Variants in MACROD2 observed in about 807,000 individuals in gnomAD.
MACROD2 encodes mono-ADP ribosylhydrolase 2.
MACROD2 carries 36 observed loss-of-function variants against 70.4 expected under a neutral mutation model. The ratio of observed to expected loss-of-function variants is 0.51; its 90% CI spans 0.39 to 0.68. MACROD2 has a LOEUF of 0.68. MACROD2 is among the 30% of genes least tolerant of loss of function. The pLI is 0.00. For missense variants in MACROD2, 496 were observed against 538.4 expected, an observed-to-expected ratio of 0.92 and a Z score of 0.78; for synonymous variants, 172 against 178.8, an observed-to-expected ratio of 0.96 and a Z score of 0.30.
chr20:14,267,861 G>T (rs1294491730), intron 3 of MACROD2, among the ~76,000 whole-genome samples: 20 of 151,362 alleles, frequency 1.3e-4, no homozygotes, highest in Non-Finnish European at 4.4e-5. Context: ...GAAATATGAG[G>T]GATTCATAGA....
At chr20:15,112,443 T>G (rs763174922) in intron 5 of MACROD2, among the ~76,000 whole-genome samples, 1 of 152,200 alleles carries the variant, frequency 6.6e-6, no homozygotes, top group Non-Finnish European at 1.5e-5. Flanking sequence ...TTGATTGCCT[T>G]GAGGCCTTTT....
At chr20:14,476,880 A>G (rs1241612437) in intron 3 of MACROD2, among the ~76,000 whole-genome samples, 1 of 152,210 alleles carries the variant, frequency 6.6e-6, no homozygotes, top group East Asian at 1.9e-4. Flanking sequence ...ATTCAACTTT[A>G]TTATTATCCA....
At position 14,868,192 on chromosome 20, in the gene MACROD2, C is replaced by CT. The variant is rs377525277; in HGVS notation, c.418+183244dup. 1.0e-4 allele frequency among the ~76,000 whole-genome samples: 15 copies of CT among 144,400 alleles called. 1 individual carries two copies. Among genetic ancestry groups the CT allele is most frequent in the South Asian group, 6.5e-4 (3 of 4,600 alleles). 94.7% of individuals were successfully genotyped at this position (144,400 alleles called of 152,430 possible). ...ATATCTTTTTCTTTTTTCTTTCTTT[C>CT]TTTTTTTTTTTAAGAGACAAGTTCT... On this transcript the variant is annotated intron_variant, in intron 5 of 17. Coordinates refer to ENST00000684519, the MANE Select transcript of MACROD2 (RefSeq NM_001351661.2).
chr20:14,251,620 A>G (rs1307723192), intron 3 of MACROD2, among the ~76,000 whole-genome samples: 1 of 152,136 alleles, frequency 6.6e-6, no homozygotes, highest in African/African-American at 2.4e-5. Context: ...TACCACTAGC[A>G]TTTGTTAATC....
chr20:14,958,218 T>C (rs2074553980), intron 5 of MACROD2, among the ~76,000 whole-genome samples: 4 of 152,204 alleles, frequency 2.6e-5, no homozygotes, highest in Admixed American at 2.0e-4. Flanking sequence ...GCAACAAATT[T>C]ATGTGGTATT....
chr20:15,896,632 G>A (rs1185683275), intron 10 of MACROD2, among the ~76,000 whole-genome samples: 2 of 148,518 alleles, frequency 1.3e-5, no homozygotes, highest in African/African-American at 2.5e-5. Flanking sequence ...AAGAAATATT[G>A]TCAACATTAT....
intron 5 of MACROD2, among the ~76,000 whole-genome samples, chr20:14,903,167 G>T (rs148507509): frequency 1.3e-5 from 2 of 149,538 alleles, no homozygotes; most frequent in South Asian, 4.3e-4. Flanking sequence ...TCAGCCTCCC[G>T]AGTAGCTGGG....
rs144110705 is a variant in MACROD2 at position 15,683,472 on chromosome 20, G to A, written c.646-179273G>A. On this transcript the variant is annotated intron_variant, in intron 8 of 17. Transcript: ENST00000684519. ...TACTTTCAAAGCATATAAAATTATT[G>A]GAAAATTAACATAACCCTGTATTGG... is the stretch of plus-strand genomic sequence containing the variant. Among the ~76,000 whole-genome samples, 53 of 152,116 alleles carry A rather than the reference G, an allele frequency of 3.5e-4. No homozygotes were observed. In the East Asian group the frequency reaches 5.6e-3, roughly 16 times the overall value.
intron 5 of MACROD2, among the ~76,000 whole-genome samples, chr20:14,745,935 C>T (rs75516792): frequency 0.017 from 2,652 of 152,206 alleles, 44 homozygotes; most frequent in South Asian, 0.067. Context: ...CCTGGTCTCT[C>T]AGAGAGCTGT....
intron 5 of MACROD2, among the ~76,000 whole-genome samples, chr20:15,085,662 A>G (rs1379291358): frequency 6.6e-6 from 1 of 152,012 alleles, no homozygotes; most frequent in Non-Finnish European, 1.5e-5. Flanking sequence ...AAGGACTAGC[A>G]TAATACTTGT....
chr20:15,585,727 C>A (rs2048590333), intron 8 of MACROD2, among the ~76,000 whole-genome samples: 1 of 151,734 alleles, frequency 6.6e-6, no homozygotes, highest in South Asian at 2.1e-4. Flanking sequence ...TAATAGCAGA[C>A]ACTTTGTTGG....
At chr20:15,658,637 C>T (rs1414471684) in intron 8 of MACROD2, among the ~76,000 whole-genome samples, 3 of 152,162 alleles carry the variant, frequency 2.0e-5, no homozygotes, top group Non-Finnish European at 4.4e-5. Context: ...CCTCCATCAC[C>T]GACTGAGCAG....
At chr20:15,623,925 C>T (rs2049165728) in intron 8 of MACROD2, among the ~76,000 whole-genome samples, 1 of 152,054 alleles carries the variant, frequency 6.6e-6, no homozygotes, top group Admixed American at 6.6e-5. Context: ...GGATACATAT[C>T]TATATATGAA....
intron 8 of MACROD2, among the ~76,000 whole-genome samples, chr20:15,773,845 T>A (rs768847548): frequency 2.6e-5 from 4 of 152,138 alleles, no homozygotes; most frequent in Non-Finnish European, 5.9e-5. Context: ...CGAAGAAAAG[T>A]TTGCAAAATA....
At chr20:14,884,402 C>A (rs896461639) in intron 5 of MACROD2, 1 of 152,306 alleles carries the variant, frequency 6.6e-6, no homozygotes, top group Non-Finnish European at 1.5e-5. Flanking sequence ...ATCTTACCAA[C>A]ATGGCTGGTG....
In MACROD2 at chr20:15,858,448, C is replaced by T. The variant is rs114756725; in HGVS notation, c.646-4297C>T. ...TATAACAATTAGACTTTCTCCTCAC[C>T]CACTGTGACTTCTTTTTTACTTATT... is the stretch of plus-strand genomic sequence containing the variant. On this transcript the variant is annotated intron_variant, in intron 8 of 17. Coordinates refer to ENST00000684519, the MANE Select transcript of MACROD2 (RefSeq NM_001351661.2). 3.2e-3 allele frequency among the ~76,000 whole-genome samples: 483 copies of T among 152,242 alleles called. 1 individual carries two copies. The highest frequency in any genetic ancestry group is 0.011 in the African/African-American group (462 of 41,536).
chr20:15,749,901 C>T (rs2051242199), intron 8 of MACROD2, among the ~76,000 whole-genome samples: 1 of 151,942 alleles, frequency 6.6e-6, no homozygotes, highest in South Asian at 2.1e-4. Flanking sequence ...ATGAAACTAC[C>T]AGAAGAAGAC....
intron 15 of MACROD2, among the ~76,000 whole-genome samples, chr20:16,039,565 C>T (rs6043678): frequency 0.13 from 19,164 of 151,836 alleles, 1,198 homozygotes; most frequent in Middle Eastern, 0.17. Flanking sequence ...TTTATAAAGT[C>T]AAATATTTTG....
At chr20:15,915,913 C>T (rs983023592) in intron 10 of MACROD2, among the ~76,000 whole-genome samples, 81 of 152,042 alleles carry the variant, frequency 5.3e-4, no homozygotes, top group African/African-American at 1.8e-3. Flanking sequence ...GGAAATCCCC[C>T]GTTATGGACT....
Sources: allele counts gnomAD v4.1 joint callset (sites outside exome capture counted in the v4.1 genomes callset), GRCh38; gene constraint gnomAD v4.1.1; transcripts MANE v1.5; gene names NCBI Gene and HGNC (gene_info 2026-07-23, HGNC 2026-07-21).